The following ANKRD36C variants were observed in gnomAD, a reference collection of about 807,000 sequenced individuals.
The protein encoded by ANKRD36C is ankyrin repeat domain 36C, also known as ankyrin repeat domain-containing protein 36C.
In ANKRD36C, 61 loss-of-function variants were observed where a neutral mutation model predicts 276.4. The observed-to-expected ratio is 0.22, with a 90% CI of 0.18 to 0.27. The LOEUF (loss-of-function observed/expected upper bound fraction) is 0.27, where lower values mean the gene tolerates loss of function less well. ANKRD36C is among the 10% of genes least tolerant of loss of function. The probability of loss-of-function intolerance (pLI) is 1.00; values close to 1 mark genes in which losing one functional copy is unlikely to be tolerated. For synonymous variants in ANKRD36C, 483 were observed against 680.1 expected, an observed-to-expected ratio of 0.71 and a Z score of 4.51; for missense variants, 1,447 against 2,032.3, an observed-to-expected ratio of 0.71 and a Z score of 5.54.
intron 42 of ANKRD36C, 36 bp downstream of exon 46, chr2:95,910,337 G>A: frequency 6.6e-7 from 1 of 1,518,494 alleles, no homozygotes; most frequent in Non-Finnish European, 8.8e-7. Flanking sequence ...TATCTATCTG[G>A]ACAGAACACG....
Position 95,895,552 on chromosome 2 carries a change from GT to G in ANKRD36C, c.2755+3592del, listed in dbSNP as rs1676512515. The G allele has an allele frequency of 6.5e-7, 1 of 1,532,164 alleles. No homozygotes were observed. The allele number at this position is 1,532,164 out of a possible 1,614,324, so 94.9% of individuals were successfully genotyped here. On this transcript the variant is annotated intron_variant, in intron 44 of 66. Transcript: ENST00000456556. Reference sequence around the variant, plus strand: ...TTACTAGCTCACAATATAAATGAGAGTTTTATTACCTTCAAGGCTGCTTTTT... The same window carrying G: ...TTACTAGCTCACAATATAAATGAGAGTTTATTACCTTCAAGGCTGCTTTTT...
At position 95,916,041 on chromosome 2, in the gene ANKRD36C, A is replaced by G. The variant is rs745939438; in HGVS notation, c.2388T>C (p.Asp796=). 4 of 1,581,138 alleles carry G rather than the reference A, an allele frequency of 2.5e-6. No homozygotes were observed. The South Asian group carries it at 3.4e-5, about 13-fold the overall frequency. The stretch of plus-strand genomic sequence containing the variant: ...TTATATTCGAAAAAGAATCTTTCTC[A>G]TCACTTGTAGCCTGAATGGAATTTG... Residue 796 remains aspartate, a synonymous_variant, in exon 38 of 67, where the codon GAT becomes GAC. Coordinates refer to ENST00000456556, the Ensembl canonical transcript of ANKRD36C.
intron 5 of ANKRD36C, among the ~76,000 whole-genome samples, chr2:95,979,100 A>T (rs1225392075): frequency 6.6e-6 from 1 of 151,996 alleles, no homozygotes; most frequent in Non-Finnish European, 1.5e-5. Flanking sequence ...TCCAAGATAC[A>T]TACTAATAAA....
chr2:95,887,483 C>T (rs1367707268), intron 50 of ANKRD36C, among the ~76,000 whole-genome samples: 2 of 151,412 alleles, frequency 1.3e-5, no homozygotes, highest in Non-Finnish European at 3.0e-5. Flanking sequence ...TGGGAAAAAT[C>T]ATTGCTATAT....
intron 42 of ANKRD36C, among the ~76,000 whole-genome samples, chr2:95,911,869 G>A (rs1442277325): frequency 6.6e-6 from 1 of 151,204 alleles, no homozygotes; most frequent in Non-Finnish European, 1.5e-5. Context: ...ATTATGAACA[G>A]CTTTCTGCCT....
At chr2:95,875,230 C>T (rs1170682233) in intron 59 of ANKRD36C, among the ~76,000 whole-genome samples, 2 of 152,132 alleles carry the variant, frequency 1.3e-5, no homozygotes, top group Middle Eastern at 3.4e-3. Context: ...CACATGCACA[C>T]GTATGTTTAT....
chr2:95,982,424 A>G, intron 3 of ANKRD36C, 62 bp from the exon 4 acceptor site: 1 of 1,368,560 alleles, frequency 7.3e-7, no homozygotes, highest in South Asian at 1.3e-5. Flanking sequence ...TGAAATGAAA[A>G]CCTTATGTAA....
At chr2:95,957,144 G>A (rs202064360) in intron 12 of ANKRD36C, among the ~76,000 whole-genome samples, 5 of 42,728 alleles carry the variant, frequency 1.2e-4, no homozygotes, top group African/African-American at 2.7e-4. Flanking sequence ...GGCGAAAGCC[G>A]GTCTCTAGTA....
At chr2:95,910,383 T>C in intron 42 of ANKRD36C, 1 of 1,541,474 alleles carries the variant, frequency 6.5e-7, no homozygotes, top group Non-Finnish European at 8.7e-7. Context: ...CTGTCCTAGA[T>C]TTTTCTCCAT....
chr2:95,929,764 C>G lies in ANKRD36C; in HGVS notation c.1736-497G>C, dbSNP rs1234683880. The stretch of plus-strand genomic sequence containing the variant: ...ATTATAATGACACTTTAGTTGAAAT[C>G]TCTTCAGTGGAAGTGTCCTAACTTA... On this transcript the variant is annotated intron_variant, in intron 24 of 66. Coordinates refer to ENST00000456556, the Ensembl canonical transcript of ANKRD36C. 2.0e-5 allele frequency among the ~76,000 whole-genome samples: 3 copies of G among 151,336 alleles called. No homozygotes were observed. In the Admixed American group the frequency reaches 2.0e-4, roughly 10 times the overall value.
chr2:95,965,731 A>G (rs1296486479), intron 6 of ANKRD36C, among the ~76,000 whole-genome samples: 1 of 152,162 alleles, frequency 6.6e-6, no homozygotes, highest in African/African-American at 2.4e-5. Flanking sequence ...GCATATCATT[A>G]GATCATACAA....
chr2:95,980,104 T>C (rs377415459), intron 5 of ANKRD36C, among the ~76,000 whole-genome samples: 163 of 152,144 alleles, frequency 1.1e-3, no homozygotes, highest in African/African-American at 3.8e-3. Context: ...TACTTTCAAT[T>C]GTAAGAAAGC....
exon 62 of ANKRD36C, chr2:95,857,475 T>C: frequency 6.5e-7 from 1 of 1,544,330 alleles, no homozygotes; most frequent in Non-Finnish European, 8.8e-7. Context: ...TTTCTTTTTT[T>C]CTTGCTGTAT....
chr2:95,871,419 CT>C (rs1009427101), intron 59 of ANKRD36C, among the ~76,000 whole-genome samples: 67 of 152,028 alleles, frequency 4.4e-4, no homozygotes, highest in African/African-American at 1.5e-3. Context: ...CCAAACTAAG[CT>C]TCATAAGTGA....
At chr2:95,983,962 G>A (rs1678974844) in intron 3 of ANKRD36C, among the ~76,000 whole-genome samples, 1 of 152,000 alleles carries the variant, frequency 6.6e-6, no homozygotes, top group Non-Finnish European at 1.5e-5. Flanking sequence ...AAAATATAAT[G>A]TTGTCTGCAA....
chr2:95,882,398 A>T (rs1391520193), intron 55 of ANKRD36C, 24 bp from the exon 76 acceptor site: 1 of 1,547,956 alleles, frequency 6.5e-7, no homozygotes, highest in East Asian at 2.4e-5. Flanking sequence ...GAAACAAAAT[A>T]GTCAATACAT....
At chr2:95,977,409 TG>T (rs1343714697) in intron 6 of ANKRD36C, among the ~76,000 whole-genome samples, 6 of 152,208 alleles carry the variant, frequency 3.9e-5, no homozygotes, top group Non-Finnish European at 7.3e-5. Flanking sequence ...CAACTATTAT[TG>T]TTTTTTTATA....
chr2:95,991,078 G>A (rs1679128747), intron 1 of ANKRD36C, among the ~76,000 whole-genome samples: 1 of 151,032 alleles, frequency 6.6e-6, no homozygotes, highest in South Asian at 2.1e-4. Flanking sequence ...GAGCCTGCCA[G>A]GAAAGAAAGT....
intron 52 of ANKRD36C, among the ~76,000 whole-genome samples, chr2:95,885,049 C>G (rs1246011441): frequency 6.6e-6 from 1 of 151,928 alleles, no homozygotes; most frequent in Non-Finnish European, 1.5e-5. Flanking sequence ...ATATATTAGC[C>G]TCAATAAAAA....
Sources: allele counts gnomAD v4.1 joint callset (sites outside exome capture counted in the v4.1 genomes callset), GRCh38; gene constraint gnomAD v4.1.1; transcripts MANE v1.5; gene names NCBI Gene and HGNC (gene_info 2026-07-23, HGNC 2026-07-21).